The following HSD17B12 variants were observed in gnomAD, a reference collection of about 807,000 sequenced individuals.
HSD17B12 encodes the protein hydroxysteroid 17-beta dehydrogenase 12.
HSD17B12 carries 32 observed loss-of-function variants against 39.3 expected under a neutral mutation model. The observed-to-expected ratio is 0.81, with a 90% CI of 0.61 to 1.09. HSD17B12 has a LOEUF of 1.09. Ranked by LOEUF, HSD17B12 falls within the 50% of genes least tolerant of loss-of-function variation. HSD17B12 has a pLI of 0.00. For missense variants in HSD17B12, 342 were observed against 382.9 expected, an observed-to-expected ratio of 0.89 and a Z score of 0.89; for synonymous variants, 150 against 146.7, an observed-to-expected ratio of 1.02 and a Z score of -0.16.
intron 6 of HSD17B12, among the ~76,000 whole-genome samples, chr11:43,828,479 G>A (rs554111991): frequency 1.1e-4 from 16 of 152,100 alleles, no homozygotes; most frequent in African/African-American, 3.1e-4. Flanking sequence ...AAAATTGTTC[G>A]CTATACACTT....
the HSD17B12 span, among the ~76,000 whole-genome samples, chr11:43,565,074 A>G: frequency 2.6e-4 from 40 of 151,970 alleles, no homozygotes; most frequent in African/African-American, 9.2e-4. Flanking sequence ...TAGTTTTTAT[A>G]TTTTTAGTAG....
At chr11:43,577,435 G>T in the HSD17B12 span, among the ~76,000 whole-genome samples, 8 of 152,202 alleles carry the variant, frequency 5.3e-5, no homozygotes, top group Non-Finnish European at 1.2e-4. Context: ...TTCAGGAATG[G>T]AAGGCCAGTG....
chr11:43,655,094 G>T, the HSD17B12 span, among the ~76,000 whole-genome samples: 24 of 152,108 alleles, frequency 1.6e-4, no homozygotes, highest in Non-Finnish European at 3.4e-4. Flanking sequence ...GCAGTGGTTT[G>T]TAGTTCTCCT....
the HSD17B12 span, among the ~76,000 whole-genome samples, chr11:43,672,192 G>T: frequency 2.0e-5 from 3 of 152,146 alleles, no homozygotes; most frequent in African/African-American, 7.2e-5. Flanking sequence ...GGGACTACAG[G>T]CGCCCGCCAC....
intron 3 of HSD17B12, among the ~76,000 whole-genome samples, chr11:43,781,068 GT>G (rs772522273): frequency 3.3e-5 from 5 of 152,110 alleles, no homozygotes; most frequent in Non-Finnish European, 5.9e-5. Flanking sequence ...GCATTCTGCA[GT>G]TTCCCTGTTC....
the HSD17B12 span, among the ~76,000 whole-genome samples, chr11:43,619,228 GAT>G: frequency 4.9e-3 from 103 of 20,850 alleles, no homozygotes; most frequent in East Asian, 7.4e-3. Flanking sequence ...ATATATATAT[GAT>G]ATATATATAT....
chr11:43,741,670 A>G (rs1248476675), intron 1 of HSD17B12, among the ~76,000 whole-genome samples: 1 of 151,938 alleles, frequency 6.6e-6, no homozygotes, highest in Non-Finnish European at 1.5e-5. Flanking sequence ...AGTGAAAATC[A>G]CACTATTATT....
chr11:43,789,949 C>T (rs777535699), intron 3 of HSD17B12, among the ~76,000 whole-genome samples: 23 of 152,184 alleles, frequency 1.5e-4, no homozygotes, highest in Non-Finnish European at 3.1e-4. Context: ...ACTGCCTCCC[C>T]CCCGCAAAAA....
At chr11:43,665,867 A>C in the HSD17B12 span, among the ~76,000 whole-genome samples, 1 of 152,182 alleles carries the variant, frequency 6.6e-6, no homozygotes, top group Non-Finnish European at 1.5e-5. Flanking sequence ...GATAAATCCA[A>C]CCCTTGGCCT....
chr11:43,590,032 T>C, the HSD17B12 span, among the ~76,000 whole-genome samples: 2 of 152,226 alleles, frequency 1.3e-5, no homozygotes, highest in African/African-American at 4.8e-5. Context: ...ACTGTTATTA[T>C]TATTTAGACA....
intron 1 of HSD17B12, among the ~76,000 whole-genome samples, chr11:43,720,041 T>G (rs1950162527): frequency 6.6e-6 from 1 of 152,214 alleles, no homozygotes; most frequent in Admixed American, 6.5e-5. Context: ...AAAAGGTCAT[T>G]AAGATTCTTC....
intron 1 of HSD17B12, among the ~76,000 whole-genome samples, chr11:43,682,380 G>A (rs1283307981): frequency 6.6e-6 from 1 of 152,056 alleles, no homozygotes. Context: ...GTGAAACCCC[G>A]TCTGTACTAA....
chr11:43,703,355 C>T (rs1044193015), intron 1 of HSD17B12, among the ~76,000 whole-genome samples: 7 of 151,938 alleles, frequency 4.6e-5, no homozygotes, highest in African/African-American at 7.3e-5. Context: ...CCACTACGCC[C>T]GGCTAATTTT....
chr11:43,737,899 T>C (rs1590707027), intron 1 of HSD17B12, among the ~76,000 whole-genome samples: 1 of 151,852 alleles, frequency 6.6e-6, no homozygotes, highest in African/African-American at 2.4e-5. Context: ...CGGTGAAACC[T>C]CATCTCTACT....
At chr11:43,742,141 T>A (rs935846685) in intron 1 of HSD17B12, among the ~76,000 whole-genome samples, 14 of 124,286 alleles carry the variant, frequency 1.1e-4, no homozygotes, top group Admixed American at 4.7e-4. Context: ...ATATATATAT[T>A]TTTTTTTTTA....
the HSD17B12 span, among the ~76,000 whole-genome samples, chr11:43,562,720 C>T: frequency 6.6e-6 from 1 of 152,108 alleles, no homozygotes; most frequent in Non-Finnish European, 1.5e-5. Context: ...TAGACTCTTC[C>T]ACATACACAA....
the HSD17B12 span, among the ~76,000 whole-genome samples, chr11:43,629,274 A>G: frequency 6.6e-6 from 1 of 152,226 alleles, no homozygotes; most frequent in South Asian, 2.1e-4. Flanking sequence ...TGAACAACTT[A>G]GACAGACTTC....
chr11:43,801,595 G>GATATATATATATATATATATAT (rs55674379), intron 4 of HSD17B12, among the ~76,000 whole-genome samples: 2 of 72,776 alleles, frequency 2.7e-5, no homozygotes, highest in Non-Finnish European at 6.4e-5. Flanking sequence ...GATAGTTGGA[G>GATATATATATATATATATATAT]ATATATATAT....
chr11:43,579,659 C>T, the HSD17B12 span: 3 of 152,130 alleles, frequency 2.0e-5, no homozygotes, highest in Non-Finnish European at 2.9e-5. Context: ...ACCGCGGAGC[C>T]CCTCTGGCGC....
Sources: allele counts gnomAD v4.1 joint callset (sites outside exome capture counted in the v4.1 genomes callset), GRCh38; gene constraint gnomAD v4.1.1; transcripts MANE v1.5; gene names NCBI Gene and HGNC (gene_info 2026-07-23, HGNC 2026-07-21).